CPZ: variants seen among roughly 807,000 people sequenced by gnomAD.
CPZ encodes the protein VEZT/CPZ fusion.
A neutral mutation model predicts 61.8 loss-of-function variants in CPZ; 103 were observed. That is an observed-to-expected ratio of 1.67 (90% CI 1.42 to 1.96). The LOEUF is 1.96. Ranked by LOEUF, CPZ falls within the 30% of genes most tolerant of loss-of-function variation. CPZ has a pLI of 0.00. For missense variants in CPZ, 1,461 were observed against 914.9 expected (o/e 1.60, Z -7.70); for synonymous variants, 551 against 373.7 (o/e 1.47, Z -5.47).
intron 1 of CPZ, among the ~76,000 whole-genome samples, chr4:8,596,255 T>G (rs1318977252): frequency 6.6e-6 from 1 of 152,204 alleles, no homozygotes; most frequent in Non-Finnish European, 1.5e-5. Context: ...TTTCACCATG[T>G]TGGCCAGGCT....
Position 8,605,970 on chromosome 4 carries a change from T to A in CPZ, c.710-19T>A. On this transcript the variant is annotated intron_variant, in intron 4 of 10. Coordinates refer to ENST00000360986, the MANE Select transcript of CPZ (RefSeq NM_001014447.3). ...CCCGGCTTTGAGATGATGCCCCAAGTCTCTGTATTTGCCCCCAGTGGAGCC... is the reference window on the plus strand; with the variant it reads ...CCCGGCTTTGAGATGATGCCCCAAGACTCTGTATTTGCCCCCAGTGGAGCC... 3 of 1,605,754 alleles carry A rather than the reference T, an allele frequency of 1.9e-6. No individual in the cohort carries two copies. The highest frequency in any genetic ancestry group is 2.6e-6 in the Non-Finnish European group (3 of 1,173,062).
rs959603747 is a variant in CPZ, at chr4:8,599,588, T to C, written c.121+103T>C. ...CTGAATCCGTGATTTCAGAAGTGGG[T>C]AATGGATAACACAGCCCATTAATCA... On this transcript the variant is annotated intron_variant, in intron 2 of 10. Transcript: ENST00000360986. The C allele has an allele frequency of 6.4e-7, 1 of 1,560,060 alleles. No individual in the cohort carries two copies. The highest frequency in any genetic ancestry group is 8.7e-7 in the Non-Finnish European group (1 of 1,152,956).
At chr4:8,606,337 C>T (rs1324315227) in intron 5 of CPZ, 152 bp downstream of exon 5, 2 of 762,448 alleles carry the variant, frequency 2.6e-6, no homozygotes, top group African/African-American at 1.8e-5. Context: ...ACCCCTGCTT[C>T]AGGGGCTGGG....
rs143979607 is a variant in CPZ at position 8,619,444 on chromosome 4, C to T, written c.1786C>T (p.Arg596Trp). ...MGPKNFIHGLRRTGPHDPLGG... is the reference protein window; with the variant it reads ...MGPKNFIHGLWRTGPHDPLGG... ...ACCCAAGAACTTTATTCATGGGCTGCGGAGGACTGGGCCCCACGACCCACT... is the reference window on the plus strand; with the variant it reads ...ACCCAAGAACTTTATTCATGGGCTGTGGAGGACTGGGCCCCACGACCCACT... Residue 596 changes from arginine to tryptophan, a missense_variant, in exon 11 of 11, where the codon CGG becomes TGG. Coordinates refer to ENST00000360986, the MANE Select transcript of CPZ (RefSeq NM_001014447.3). The T allele has an allele frequency of 6.2e-5, 100 of 1,613,456 alleles. No homozygotes were observed. The highest frequency in any genetic ancestry group is 3.1e-4 in the South Asian group (28 of 90,906).
At chr4:8,602,378 G>T (rs3822204) in intron 3 of CPZ, 20,927 of 152,406 alleles carry the variant, frequency 0.14, 1,881 homozygotes, top group Non-Finnish European at 0.2. Context: ...GGCCCCCAAG[G>T]CTTGGGATGT....
chr4:8,606,730 T>G lies in CPZ; in HGVS notation c.907-7T>G, dbSNP rs1487710988. ...CCCACCCAGTCGGGGGTTGGCCATG[T>G]TTTCAGGGTGCCGGCTACAACGGGT... On this transcript the variant is annotated splice_polypyrimidine_tract_variant and splice_region_variant and intron_variant, in intron 5 of 10. Transcript: ENST00000360986. 6.2e-7 allele frequency: 1 copy of G among 1,613,876 alleles called. No homozygotes were observed. The highest frequency in any genetic ancestry group is 8.5e-7 in the Non-Finnish European group (1 of 1,179,996).
rs371895582 is a variant in CPZ, at chr4:8,614,350, G to C, written c.1364-9G>C. On this transcript the variant is annotated splice_polypyrimidine_tract_variant and intron_variant, in intron 8 of 10. Coordinates refer to ENST00000360986, the MANE Select transcript of CPZ (RefSeq NM_001014447.3). ...CACCCCTGACGTCCCCGCTGTCTCT[G>C]TGCCACAGGCATGTCCGATTTCAAC... 6.2e-7 allele frequency: 1 copy of C among 1,611,858 alleles called. No homozygotes were observed. The highest frequency in any genetic ancestry group is 8.5e-7 in the Non-Finnish European group (1 of 1,178,972).
intron 9 of CPZ, among the ~76,000 whole-genome samples, chr4:8,615,196 C>A (rs984882438): frequency 6.6e-6 from 1 of 152,008 alleles, no homozygotes; most frequent in Non-Finnish European, 1.5e-5. Context: ...CAGAAGCAGG[C>A]AGGTGGGAGG....
At chr4:8,597,920 G>A (rs564880123) in intron 1 of CPZ, among the ~76,000 whole-genome samples, 18 of 152,322 alleles carry the variant, frequency 1.2e-4, no homozygotes, top group Non-Finnish European at 2.5e-4. Context: ...CGGCTGTGAT[G>A]TGGCGGTTGG....
chr4:8,618,950 GAT>G (rs1258343588), intron 10 of CPZ, among the ~76,000 whole-genome samples: 5 of 147,878 alleles, frequency 3.4e-5, no homozygotes, highest in Admixed American at 6.7e-5. Context: ...GGTATGCTGT[GAT>G]ATGTGTTACC....
chr4:8,607,126 G>A, intron 6 of CPZ, 141 bp from the exon 7 acceptor site: 1 of 1,128,966 alleles, frequency 8.9e-7, no homozygotes, highest in Non-Finnish European at 1.2e-6. Flanking sequence ...AGTGATGGGG[G>A]CCGAGTCCAG....
intron 9 of CPZ, among the ~76,000 whole-genome samples, chr4:8,615,748 A>C (rs994341716): frequency 1.3e-5 from 2 of 152,190 alleles, no homozygotes; most frequent in Non-Finnish European, 2.9e-5. Context: ...GGTGTCGCCC[A>C]GATCTGCTTC....
chr4:8,600,639 C>T lies in CPZ; in HGVS notation c.122-484C>T, dbSNP rs554951552. ...TGCGAGCTGCAGAGCAGAGATGAGC[C>T]GGCTGAGCCGCATCTGTCATTATCC... is the stretch of plus-strand genomic sequence containing the variant. On this transcript the variant is annotated intron_variant, in intron 2 of 10. Transcript: ENST00000360986. Among the ~76,000 whole-genome samples, 44 of 152,336 alleles carry T rather than the reference C, an allele frequency of 2.9e-4. No homozygotes were observed. In the South Asian group the frequency reaches 6.0e-3, roughly 21 times the overall value.
chr4:8,617,741 C>G (rs554446826), intron 9 of CPZ, among the ~76,000 whole-genome samples: 2 of 152,194 alleles, frequency 1.3e-5, no homozygotes, highest in Non-Finnish European at 2.9e-5. Flanking sequence ...GCGTGACCTT[C>G]AGCATCCTTG....
chr4:8,612,382 G>C (rs781332391), intron 8 of CPZ, among the ~76,000 whole-genome samples: 1 of 152,136 alleles, frequency 6.6e-6, no homozygotes, highest in Non-Finnish European at 1.5e-5. Context: ...CAGGCCCGTG[G>C]CTCCTGTAGT....
At chr4:8,603,270 C>T (rs944310470) in intron 3 of CPZ, 1 of 152,346 alleles carries the variant, frequency 6.6e-6, no homozygotes, top group African/African-American at 2.4e-5. Context: ...AGCTAAGCGT[C>T]ATCGGGGTGG....
chr4:8,611,192 C>G (rs1017329493), intron 7 of CPZ: 3 of 455,596 alleles, frequency 6.6e-6, no homozygotes, highest in Non-Finnish European at 1.3e-5. Context: ...ACAGACCTGT[C>G]CTGCTTGGTG....
In CPZ at chr4:8,619,616, A is replaced by AG; in HGVS notation, c.1959dup. 1 of 1,487,854 alleles carries AG rather than the reference A, an allele frequency of 6.7e-7. No individual in the cohort carries two copies. The highest frequency in any genetic ancestry group is 8.9e-7 in the Non-Finnish European group (1 of 1,120,486). 92.2% of individuals were successfully genotyped at this position (1,487,854 alleles called of 1,614,324 possible). The change falls in exon 11 of 11, where the codon TAG becomes TAGG. Residue 653 remains the stop codon, a frameshift_variant and stop_retained_variant. Transcript: ENST00000360986. LOFTEE classifies it high-confidence loss of function. ...AGGCCACGCTGGCTGCTCAAGTACTAGCCCCGGCCCCAGCACCCGCCAGGA... is the reference window on the plus strand; with the variant it reads ...AGGCCACGCTGGCTGCTCAAGTACTAGGCCCCGGCCCCAGCACCCGCCAGGA... ...THRPRWLLKY[*]
At chr4:8,606,417 A>C (rs930768822) in intron 5 of CPZ, among the ~76,000 whole-genome samples, 1 of 152,018 alleles carries the variant, frequency 6.6e-6, no homozygotes, top group Non-Finnish European at 1.5e-5. Context: ...AAATGATGGA[A>C]AGGGAGTCGA....
Sources: allele counts gnomAD v4.1 joint callset (sites outside exome capture counted in the v4.1 genomes callset), GRCh38; gene constraint gnomAD v4.1.1; transcripts MANE v1.5; gene names NCBI Gene and HGNC (gene_info 2026-07-23, HGNC 2026-07-21).